The following TRPM3 variants were observed in gnomAD, a reference collection of about 807,000 sequenced individuals.
TRPM3 encodes the protein long transient receptor potential channel 3.
A neutral mutation model predicts 181.2 loss-of-function variants in TRPM3; 77 were observed. That is an observed-to-expected ratio of 0.42 (90% CI 0.35 to 0.51). The LOEUF is 0.51. Among genes scored for constraint, TRPM3 ranks in the 20% least tolerant of loss-of-function variants. The pLI, the probability that TRPM3 is intolerant of heterozygous loss-of-function variation, is 0.01. For synonymous variants in TRPM3, 745 were observed against 796.4 expected (o/e 0.94, Z 1.09); for missense variants, 1,759 against 2,196.7 (o/e 0.80, Z 3.98).
chr9:71,382,371 G>A (rs774932104), intron 1 of TRPM3, among the ~76,000 whole-genome samples: 5 of 151,982 alleles, frequency 3.3e-5, no homozygotes, highest in Non-Finnish European at 7.4e-5. Context: ...AAATTTTCTT[G>A]TACTTTACAG....
At chr9:70,620,479 G>A (rs1017659305) in intron 15 of TRPM3, 114 bp from the exon 16 acceptor site, 5 of 1,181,778 alleles carry the variant, frequency 4.2e-6, no homozygotes, top group Non-Finnish European at 6.0e-6. Flanking sequence ...TGAAATGAAC[G>A]AGGCCAGCTC....
In TRPM3 at chr9:70,536,130, G is replaced by T; in HGVS notation, c.4983C>A (p.His1661Gln). 1 of 1,614,206 alleles carries T rather than the reference G, an allele frequency of 6.2e-7. No homozygotes were observed. Among genetic ancestry groups the T allele is most frequent in the Non-Finnish European group, 8.5e-7 (1 of 1,180,034 alleles). Residue 1661 changes from histidine (H) to glutamine (Q), a missense_variant, in exon 26 of 26, where the codon CAC (histidine) becomes CAA (glutamine). Physicochemically the swap from His to Gln is conservative, Grantham distance 24. This residue lies in a region of TRPM3 where 612 missense variants were observed against 590.0 expected (regional missense o/e 1.04). Transcript: ENST00000677713. ...SAEEPSAPYAHTRKSFSISDK... is the reference protein window; with the variant it reads ...SAEEPSAPYAQTRKSFSISDK... ...CACTGATGGAGAAGCTCTTCCTGGTGTGTGCATATGGCGCACTTGGCTCCT... is the reference window on the plus strand; with the variant it reads ...CACTGATGGAGAAGCTCTTCCTGGTTTGTGCATATGGCGCACTTGGCTCCT...
At chr9:71,245,126 G>A (rs1259976949) in intron 1 of TRPM3, among the ~76,000 whole-genome samples, 1 of 152,108 alleles carries the variant, frequency 6.6e-6, no homozygotes, top group East Asian at 1.9e-4. Context: ...TAGAAAGGTG[G>A]TTTTGTGTCA....
chr9:70,539,377 C>T (rs567839578), intron 25 of TRPM3, among the ~76,000 whole-genome samples: 1 of 152,130 alleles, frequency 6.6e-6, no homozygotes, highest in Non-Finnish European at 1.5e-5. Flanking sequence ...ACATTTCTGC[C>T]TCTCTCAGGA....
chr9:70,989,272 G>C (rs1471247857), intron 1 of TRPM3, among the ~76,000 whole-genome samples: 1 of 152,082 alleles, frequency 6.6e-6, no homozygotes, highest in Non-Finnish European at 1.5e-5. Flanking sequence ...AGAAATGACG[G>C]TTTTCATTTT....
At chr9:71,278,136 C>A (rs1447556855) in intron 1 of TRPM3, among the ~76,000 whole-genome samples, 1 of 152,028 alleles carries the variant, frequency 6.6e-6, no homozygotes, top group Non-Finnish European at 1.5e-5. Flanking sequence ...AAATCCTGAT[C>A]AATTAGTACA....
At chr9:71,273,420 T>C (rs2083954613) in intron 1 of TRPM3, among the ~76,000 whole-genome samples, 1 of 152,194 alleles carries the variant, frequency 6.6e-6, no homozygotes, top group Admixed American at 6.5e-5. Context: ...GAAATTCTGT[T>C]TTCCTGTCTT....
intron 1 of TRPM3, among the ~76,000 whole-genome samples, chr9:71,108,421 C>T (rs991127471): frequency 3.3e-5 from 5 of 152,090 alleles, no homozygotes; most frequent in African/African-American, 1.2e-4. Context: ...TGCCATATCA[C>T]CTGCTAGATG....
intron 1 of TRPM3, among the ~76,000 whole-genome samples, chr9:70,882,795 G>A (rs928000899): frequency 2.0e-5 from 3 of 152,030 alleles, no homozygotes; most frequent in African/African-American, 7.2e-5. Flanking sequence ...AATTGTTGAG[G>A]TAGTGCACCT....
intron 1 of TRPM3, among the ~76,000 whole-genome samples, chr9:70,922,846 T>C (rs2133303090): frequency 6.6e-6 from 1 of 152,332 alleles, no homozygotes; most frequent in East Asian, 1.9e-4. Context: ...AGGTTATTTT[T>C]CAAAAGGAGA....
At chr9:70,869,140 G>A (rs1485956011) in intron 1 of TRPM3, 2 of 795,990 alleles carry the variant, frequency 2.5e-6, no homozygotes, top group African/African-American at 1.9e-5. Context: ...TCCCCCAAGA[G>A]ACGTTTCAAG....
intron 1 of TRPM3, among the ~76,000 whole-genome samples, chr9:71,267,312 A>C (rs1243344747): frequency 6.6e-6 from 1 of 152,196 alleles, no homozygotes; most frequent in Non-Finnish European, 1.5e-5. Context: ...TGTAGTAAAT[A>C]AAAGTTATTC....
chr9:71,137,325 C>T (rs2074828926), intron 1 of TRPM3, among the ~76,000 whole-genome samples: 1 of 152,132 alleles, frequency 6.6e-6, no homozygotes, highest in Non-Finnish European at 1.5e-5. Flanking sequence ...ATCGCTTCTC[C>T]CTTTGTAGAA....
At chr9:70,757,558 C>T (rs1227185558) in intron 8 of TRPM3, among the ~76,000 whole-genome samples, 1 of 152,206 alleles carries the variant, frequency 6.6e-6, no homozygotes, top group Non-Finnish European at 1.5e-5. Context: ...AGGCCAATAT[C>T]CCTGATGAAC....
chr9:70,922,299 T>C (rs947775239), intron 1 of TRPM3, among the ~76,000 whole-genome samples: 3 of 152,162 alleles, frequency 2.0e-5, no homozygotes, highest in Non-Finnish European at 2.9e-5. Flanking sequence ...CCACAAATCC[T>C]GTCCCCAGCC....
At position 70,913,815 on chromosome 9, in the gene TRPM3, T is replaced by A. The variant is rs545671477; in HGVS notation, c.178-49304A>T. On this transcript the variant is annotated intron_variant, in intron 1 of 25. Transcript: ENST00000677713. ...AGGAGTAAAATACTGGCTTGTCCAT[T>A]AGTCTTGAAAACATAAAAATTGCTA... Among the ~76,000 whole-genome samples the A allele has an allele frequency of 2.0e-5, 3 of 152,322 alleles. No individual in the cohort carries two copies. In the South Asian group the frequency reaches 6.2e-4, roughly 32 times the overall value.
intron 1 of TRPM3, among the ~76,000 whole-genome samples, chr9:71,420,696 A>G (rs1203621125): frequency 1.9e-5 from 1 of 52,650 alleles, no homozygotes; most frequent in African/African-American, 6.2e-5. Context: ...AAAGGGAAAG[A>G]GAAAGAGAGA....
chr9:70,934,301 G>A (rs945911680), intron 1 of TRPM3, among the ~76,000 whole-genome samples: 1 of 152,148 alleles, frequency 6.6e-6, no homozygotes. Flanking sequence ...TGGCCTAAGA[G>A]TTGTGGCATT....
intron 1 of TRPM3, among the ~76,000 whole-genome samples, chr9:71,064,897 T>C (rs1044417712): frequency 6.6e-6 from 1 of 152,066 alleles, no homozygotes. Context: ...GCTGAGATTA[T>C]GTTCAAGTGT....
Sources: allele counts gnomAD v4.1 joint callset (sites outside exome capture counted in the v4.1 genomes callset), GRCh38; gene constraint gnomAD v4.1.1; regional missense constraint gnomAD v4.1.1; transcripts MANE v1.5; gene names NCBI Gene and HGNC (gene_info 2026-07-23, HGNC 2026-07-21).